CELF2: variants seen among roughly 807,000 people sequenced by gnomAD.
CELF2 encodes CUGBP Elav-like family member 2.
CELF2 carries 8 observed loss-of-function variants against 62.6 expected under a neutral mutation model. The ratio of observed to expected loss-of-function variants is 0.13; its 90% CI spans 0.07 to 0.23. CELF2 has a LOEUF of 0.23. Ranked by LOEUF, CELF2 falls within the 10% of genes least tolerant of loss-of-function variation. CELF2 has a pLI of 1.00. For synonymous variants in CELF2, 258 were observed against 250.0 expected (o/e 1.03, Z -0.30); for missense variants, 333 against 671.0 (o/e 0.50, Z 5.56).
At chr10:10,675,267 G>T in the CELF2 span, among the ~76,000 whole-genome samples, 1 of 152,040 alleles carries the variant, frequency 6.6e-6, no homozygotes, top group African/African-American at 2.4e-5. Context: ...TAGGAGTCTA[G>T]GTTGCTGGTT....
rs1213496034 is a variant in CELF2, at chr10:11,319,805, T to C, written c.1097-1384T>C. 2 of 470,978 alleles carry C rather than the reference T, an allele frequency of 4.2e-6. No homozygotes were observed. Among genetic ancestry groups the C allele is most frequent in the Admixed American group, 2.3e-5 (1 of 42,570 alleles). 29.2% of individuals were successfully genotyped at this position (470,978 alleles called of 1,614,324 possible). A position where few individuals can be genotyped will look rare whatever the true frequency, so the allele number is the denominator to read the frequency against. On this transcript the variant is annotated intron_variant, in intron 10 of 12. Coordinates refer to ENST00000633077, the MANE Select transcript of CELF2 (RefSeq NM_001326342.2). The surrounding 1 kb of genome is among the most constrained non-coding windows in gnomAD (Gnocchi z 4.4). ...AATTCATATCTTACATGTGTCCTTT[T>C]AATTGAAGAGGCGAAGTTGGCCAAA...
At chr10:10,903,773 T>A (rs1285046031) in intron 1 of CELF2, among the ~76,000 whole-genome samples, 3 of 152,222 alleles carry the variant, frequency 2.0e-5, no homozygotes, top group African/African-American at 7.2e-5. Context: ...AGTACAGCTG[T>A]GCTTGGGGAT....
rs914202923 is a variant in CELF2, at chr10:11,207,037, T to A, written c.272-10388T>A. On this transcript the variant is annotated intron_variant, in intron 2 of 12. Coordinates refer to ENST00000633077, the MANE Select transcript of CELF2 (RefSeq NM_001326342.2). The surrounding 1 kb of genome is among the most constrained non-coding windows in gnomAD (Gnocchi z 4.1). ...ATAGCTATTAGACAATTGAAATGGTTTAACATAAGTGTCTTATTTCAAAGA... is the reference window on the plus strand; with the variant it reads ...ATAGCTATTAGACAATTGAAATGGTATAACATAAGTGTCTTATTTCAAAGA... Among the ~76,000 whole-genome samples the A allele has an allele frequency of 1.3e-5, 2 of 152,252 alleles. No homozygotes were observed. Among genetic ancestry groups the A allele is most frequent in the African/African-American group, 4.8e-5 (2 of 41,468 alleles).
chr10:10,853,260 T>C (rs1258755616), intron 1 of CELF2, among the ~76,000 whole-genome samples: 1 of 152,006 alleles, frequency 6.6e-6, no homozygotes, highest in Non-Finnish European at 1.5e-5. Context: ...GGATTACAGG[T>C]GTAAGGCACT....
intron 1 of CELF2, among the ~76,000 whole-genome samples, chr10:11,069,929 T>C (rs994754229): frequency 4.6e-5 from 7 of 152,216 alleles, no homozygotes; most frequent in African/African-American, 1.7e-4. Context: ...GGTGGATATA[T>C]TCCAGCTTCA....
intron 1 of CELF2, among the ~76,000 whole-genome samples, chr10:11,057,298 G>C (rs911086721): frequency 6.6e-6 from 1 of 152,130 alleles, no homozygotes; most frequent in Non-Finnish European, 1.5e-5. Flanking sequence ...TGTGTGGGGT[G>C]GGGGGTGGTC....
intron 1 of CELF2, among the ~76,000 whole-genome samples, chr10:11,067,702 G>A (rs1289951955): frequency 1.3e-5 from 2 of 152,194 alleles, no homozygotes; most frequent in East Asian, 3.8e-4. Context: ...AAAAGAAATA[G>A]AACATGCTTC....
chr10:10,728,743 C>T, the CELF2 span, among the ~76,000 whole-genome samples: 5 of 152,174 alleles, frequency 3.3e-5, no homozygotes, highest in Admixed American at 2.0e-4. Context: ...AATGTATGCA[C>T]ATTGTAAACT....
chr10:10,875,565 G>A (rs973039649), intron 1 of CELF2, among the ~76,000 whole-genome samples: 14 of 152,200 alleles, frequency 9.2e-5, no homozygotes, highest in African/African-American at 3.4e-4. Flanking sequence ...TTTGTTTACT[G>A]TAGCGTAGGA....
intron 1 of CELF2, among the ~76,000 whole-genome samples, chr10:11,053,586 G>T (rs1391334013): frequency 6.7e-6 from 1 of 150,306 alleles, no homozygotes. Context: ...GACTATTTGG[G>T]CATTCGTAGG....
At chr10:11,288,638 C>G in intron 9 of CELF2, 86 bp downstream of exon 9, 1 of 1,472,618 alleles carries the variant, frequency 6.8e-7, no homozygotes, top group South Asian at 1.2e-5. Context: ...GAGGGTGAGG[C>G]TAGACGTGTC....
At chr10:10,640,080 T>C in the CELF2 span, among the ~76,000 whole-genome samples, 3 of 152,304 alleles carry the variant, frequency 2.0e-5, no homozygotes, top group Admixed American at 2.0e-4. Flanking sequence ...CCTTAATGAA[T>C]TCCCCTTTCT....
intron 2 of CELF2, among the ~76,000 whole-genome samples, chr10:11,194,234 T>A (rs1048430718): frequency 1.3e-5 from 2 of 151,916 alleles, no homozygotes; most frequent in South Asian, 4.2e-4. Flanking sequence ...CCCAGCTAAT[T>A]TTTGTATTTT....
At chr10:10,546,008 C>T in the CELF2 span, among the ~76,000 whole-genome samples, 1 of 152,070 alleles carries the variant, frequency 6.6e-6, no homozygotes, top group Non-Finnish European at 1.5e-5. Context: ...GAGAGAGGTT[C>T]AGAGAACAGC....
chr10:10,568,651 A>T, the CELF2 span, among the ~76,000 whole-genome samples: 1 of 152,210 alleles, frequency 6.6e-6, no homozygotes, highest in Non-Finnish European at 1.5e-5. Context: ...CAAGCAAAGA[A>T]GATCTGCACA....
the CELF2 span, among the ~76,000 whole-genome samples, chr10:10,706,863 T>C: frequency 6.6e-6 from 1 of 152,320 alleles, no homozygotes; most frequent in South Asian, 2.1e-4. Context: ...TTACAAGCCA[T>C]GCAAAGATAT....
chr10:11,257,867 G>A lies in CELF2; in HGVS notation c.533G>A (p.Ser178Asn). The A allele has an allele frequency of 6.2e-7, 1 of 1,614,188 alleles. No homozygotes were observed. Among genetic ancestry groups the A allele is most frequent in the Non-Finnish European group, 8.5e-7 (1 of 1,180,008 alleles). ...ATCCTCCGGGGACCTGATGGGCTGAGTCGAGGTGAGTGTGCTGTCTGGAAA... is the reference window on the plus strand; with the variant it reads ...ATCCTCCGGGGACCTGATGGGCTGAATCGAGGTGAGTGTGCTGTCTGGAAA... ...CRILRGPDGL[S>N]RGCAFVTFST... Residue 178 changes from serine (S) to asparagine (N), a missense_variant, in exon 5 of 13, where the codon AGT (serine) becomes AAT (asparagine). By Grantham distance (46) the Ser-to-Asn change is conservative. Coordinates refer to ENST00000633077, the MANE Select transcript of CELF2 (RefSeq NM_001326342.2).
chr10:11,166,836 C>T (rs2067365940), intron 2 of CELF2, among the ~76,000 whole-genome samples: 1 of 152,242 alleles, frequency 6.6e-6, no homozygotes, highest in South Asian at 2.1e-4. Context: ...TTAAGACTGA[C>T]ATTCTGTGAC....
intron 2 of CELF2, among the ~76,000 whole-genome samples, chr10:11,179,810 G>A (rs2072666842): frequency 6.6e-6 from 1 of 152,196 alleles, no homozygotes; most frequent in Non-Finnish European, 1.5e-5. Context: ...TACAAACAGG[G>A]GGAAGGAGGG....
Sources: gnomAD v4.1 joint callset for allele counts (sites outside exome capture counted in the v4.1 genomes callset) on GRCh38, gnomAD v4.1.1 for gene constraint, Gnocchi (gnomAD v3.1) non-coding constraint, MANE v1.5 for transcripts, NCBI Gene and HGNC (gene_info 2026-07-23, HGNC 2026-07-21) for gene names.